Variants in POTEJ observed in about 807,000 individuals in gnomAD.
POTEJ encodes POTE ankyrin domain family member J, also known as POTE ankyrin domain family, member J.
In POTEJ, 11 loss-of-function variants were observed where a neutral mutation model predicts 69.0. The ratio of observed to expected loss-of-function variants is 0.16; its 90% CI spans 0.10 to 0.26. The LOEUF (loss-of-function observed/expected upper bound fraction) is 0.26. Among genes scored for constraint, POTEJ ranks in the 10% least tolerant of loss-of-function variants. The pLI, the probability that POTEJ is intolerant of heterozygous loss-of-function variation, is 1.00. For synonymous variants in POTEJ, 117 were observed against 381.1 expected (o/e 0.31, Z 8.07); for missense variants, 327 against 1,045.5 (o/e 0.31, Z 9.48).
chr2:130,656,019 T>A (rs1417108158), intron 14 of POTEJ, among the ~76,000 whole-genome samples: 3 of 143,738 alleles, frequency 2.1e-5, no homozygotes, highest in African/African-American at 7.9e-5. Flanking sequence ...AGTATAGAAA[T>A]ATTAGAAATG....
At chr2:130,629,496 T>C (rs1685829244) in intron 6 of POTEJ, among the ~76,000 whole-genome samples, 1 of 140,458 alleles carries the variant, frequency 7.1e-6, no homozygotes, top group Admixed American at 6.9e-5. Context: ...CTGGAGCCCA[T>C]ACCTGTGGGC....
chr2:130,646,410 A>G (rs1443993099), intron 13 of POTEJ, 100 bp downstream of exon 13: 1 of 490,970 alleles, frequency 2.0e-6, no homozygotes, highest in Non-Finnish European at 3.6e-6. Context: ...TACTTTTATT[A>G]GGATATTGAG....
upstream of POTEJ, among the ~76,000 whole-genome samples, chr2:130,611,094 C>T (rs1685192132): frequency 6.6e-6 from 1 of 150,394 alleles, no homozygotes; most frequent in Non-Finnish European, 1.5e-5. Flanking sequence ...GCATGCTGCA[C>T]GCGGGTAACT....
chr2:130,615,576 G>A (rs1477987923), intron 1 of POTEJ, among the ~76,000 whole-genome samples: 4 of 140,678 alleles, frequency 2.8e-5, no homozygotes, highest in Non-Finnish European at 4.6e-5. Context: ...GATACCTAGA[G>A]GGAAGGAACA....
At position 130,631,970 on chromosome 2, in the gene POTEJ, GA is replaced by G. The variant is rs1341649983; in HGVS notation, c.1132-514del. On this transcript the variant is annotated intron_variant, in intron 8 of 14. Transcript: ENST00000409602. ...GTTTTTGATATCTCAGCAACCAAATGAAAAAAGAATGCTCAAAGGCAGTGGG... is the reference window on the plus strand; with the variant it reads ...GTTTTTGATATCTCAGCAACCAAATGAAAAAGAATGCTCAAAGGCAGTGGG... Among the ~76,000 whole-genome samples the G allele has an allele frequency of 1.4e-5, 2 of 143,530 alleles. 1 individual carries two copies. Among genetic ancestry groups the G allele is most frequent in the South Asian group, 4.2e-4 (2 of 4,718 alleles). 94.2% of individuals were successfully genotyped at this position (143,530 alleles called of 152,430 possible).
chr2:130,624,773 A>G (rs1236592472), intron 6 of POTEJ, among the ~76,000 whole-genome samples: 1 of 152,072 alleles, frequency 6.6e-6, no homozygotes, highest in Non-Finnish European at 1.5e-5. Flanking sequence ...AAGTCATGTT[A>G]CATATGCTTG....
intron 13 of POTEJ, among the ~76,000 whole-genome samples, chr2:130,652,164 T>TTC (rs1686832024): frequency 7.5e-6 from 1 of 133,566 alleles, no homozygotes; most frequent in African/African-American, 3.0e-5. Context: ...TGCGCTTCAC[T>TTC]TCTCTCTTCT....
chr2:130,630,642 A>G (rs1333418376), intron 7 of POTEJ, among the ~76,000 whole-genome samples: 1 of 141,532 alleles, frequency 7.1e-6, no homozygotes, highest in Non-Finnish European at 1.5e-5. Context: ...CATAAAAGCA[A>G]CACAGCTGCC....
At chr2:130,639,532 T>G (rs1399916149) in intron 10 of POTEJ, among the ~76,000 whole-genome samples, 8 of 152,278 alleles carry the variant, frequency 5.3e-5, no homozygotes, top group Non-Finnish European at 7.3e-5. Flanking sequence ...ATTTTCCCAA[T>G]GCAAGGGTCA....
chr2:130,622,823 TAA>T (rs1327502149), intron 5 of POTEJ: 13 of 151,706 alleles, frequency 8.6e-5, no homozygotes, highest in Non-Finnish European at 5.9e-5. Flanking sequence ...TAATCATGTG[TAA>T]AAGTAGGGCT....
chr2:130,649,323 A>G (rs1686714699), intron 13 of POTEJ, among the ~76,000 whole-genome samples: 1 of 152,206 alleles, frequency 6.6e-6, no homozygotes, highest in Admixed American at 6.5e-5. Flanking sequence ...CAACTCTTCC[A>G]GTTGCTCTGC....
chr2:130,623,747 C>T (rs1470015004), intron 5 of POTEJ, among the ~76,000 whole-genome samples: 1 of 138,876 alleles, frequency 7.2e-6, no homozygotes, highest in African/African-American at 3.1e-5. Flanking sequence ...AACAAGTTGT[C>T]CAAGAACAAA....
chr2:130,655,537 C>G (rs1165598156), intron 14 of POTEJ, among the ~76,000 whole-genome samples: 129 of 151,838 alleles, frequency 8.5e-4, no homozygotes, highest in Non-Finnish European at 1.2e-3. Context: ...GGTTTGAAAA[C>G]AATGACATGC....
chr2:130,641,897 T>A (rs1686392854), intron 10 of POTEJ, among the ~76,000 whole-genome samples: 1 of 152,226 alleles, frequency 6.6e-6, no homozygotes. Flanking sequence ...AAAGTCAGCA[T>A]CCACAGAACA....
At chr2:130,612,646 C>A (rs1370309138) in intron 1 of POTEJ, among the ~76,000 whole-genome samples, 5 of 143,102 alleles carry the variant, frequency 3.5e-5, no homozygotes, top group African/African-American at 1.3e-4. Flanking sequence ...GCCTGTAGTC[C>A]CAGCTACTCA....
chr2:130,620,448 GTTTAC>G (rs1408863163), intron 4 of POTEJ, among the ~76,000 whole-genome samples: 1 of 149,616 alleles, frequency 6.7e-6, no homozygotes, highest in Non-Finnish European at 1.5e-5. Context: ...TTAACTTTTA[GTTTAC>G]TTTATGACTC....
At chr2:130,640,570 C>T (rs1184992531) in intron 10 of POTEJ, among the ~76,000 whole-genome samples, 14 of 151,804 alleles carry the variant, frequency 9.2e-5, no homozygotes, top group South Asian at 2.1e-4. Flanking sequence ...CGTCTCCTTT[C>T]GTGGTTGGCT....
At chr2:130,627,054 A>G (rs1200946044) in intron 6 of POTEJ, among the ~76,000 whole-genome samples, 4 of 152,146 alleles carry the variant, frequency 2.6e-5, no homozygotes, top group Admixed American at 1.3e-4. Context: ...GAAATGTCAG[A>G]TAATTTCCAG....
rs1219535492 is a variant in POTEJ at position 130,641,462 on chromosome 2, G to A, written c.1370-2521G>A. On this transcript the variant is annotated intron_variant, in intron 10 of 14. Transcript: ENST00000409602. ...ATAGTTGGCAGTTTTCTTTTAAATAGAAGTCATTTTGTAAATGTTTGTGTT... is the reference window on the plus strand; with the variant it reads ...ATAGTTGGCAGTTTTCTTTTAAATAAAAGTCATTTTGTAAATGTTTGTGTT... Among the ~76,000 whole-genome samples, 4 of 148,526 alleles carry A rather than the reference G, an allele frequency of 2.7e-5. 1 individual carries two copies. Among genetic ancestry groups the A allele is most frequent in the East Asian group, 1.9e-4 (1 of 5,184 alleles).
Sources: gnomAD v4.1 joint callset for allele counts (sites outside exome capture counted in the v4.1 genomes callset) on GRCh38, gnomAD v4.1.1 for gene constraint, MANE v1.5 for transcripts, NCBI Gene and HGNC (gene_info 2026-07-23, HGNC 2026-07-21) for gene names.